The following CHCHD6 variants were observed in gnomAD, a reference collection of about 807,000 sequenced individuals.
CHCHD6 encodes coiled-coil-helix-coiled-coil-helix domain containing 6.
In CHCHD6, 28 loss-of-function variants were observed where a neutral mutation model predicts 32.3. The ratio of observed to expected loss-of-function variants is 0.87; its 90% CI spans 0.64 to 1.19. The LOEUF is 1.19. Among genes scored for constraint, CHCHD6 ranks in the 50% most tolerant of loss-of-function variants. The pLI, the probability that CHCHD6 is intolerant of heterozygous loss-of-function variation, is 0.00. For missense variants in CHCHD6, 333 were observed against 307.0 expected, an observed-to-expected ratio of 1.08 and a Z score of -0.63; for synonymous variants, 122 against 117.5, an observed-to-expected ratio of 1.04 and a Z score of -0.25.
At chr3:126,894,842 C>T (rs1407835780) in intron 5 of CHCHD6, among the ~76,000 whole-genome samples, 1 of 152,210 alleles carries the variant, frequency 6.6e-6, no homozygotes, top group East Asian at 1.9e-4. Context: ...ACTGCAAAGA[C>T]ATGTGCAACA....
intron 6 of CHCHD6, among the ~76,000 whole-genome samples, chr3:126,923,397 C>T (rs987232363): frequency 2.0e-5 from 3 of 152,222 alleles, no homozygotes; most frequent in Admixed American, 1.3e-4. Context: ...TATATATCTC[C>T]GTATCCCCAC....
chr3:126,794,432 A>T (rs1938694800), intron 4 of CHCHD6, among the ~76,000 whole-genome samples: 1 of 148,694 alleles, frequency 6.7e-6, no homozygotes, highest in Non-Finnish European at 1.5e-5. Flanking sequence ...TTATATATAT[A>T]CATATATGTT....
chr3:126,776,959 C>T (rs1937677501), intron 4 of CHCHD6, among the ~76,000 whole-genome samples: 1 of 152,098 alleles, frequency 6.6e-6, no homozygotes, highest in African/African-American at 2.4e-5. Flanking sequence ...AAGACCTGGC[C>T]TCTAGTTTCA....
chr3:126,732,927 C>T (rs1013388803), intron 3 of CHCHD6, 151 bp from the exon 4 acceptor site: 20 of 728,324 alleles, frequency 2.7e-5, no homozygotes, highest in Admixed American at 1.6e-4. Flanking sequence ...ATGGGGCATG[C>T]GGTTTCACAG....
chr3:126,810,986 C>T (rs1328102257), intron 4 of CHCHD6, among the ~76,000 whole-genome samples: 1 of 152,056 alleles, frequency 6.6e-6, no homozygotes, highest in Non-Finnish European at 1.5e-5. Flanking sequence ...AATGCACCAG[C>T]CCATGGATAA....
intron 5 of CHCHD6, among the ~76,000 whole-genome samples, chr3:126,881,597 T>G (rs924051354): frequency 6.6e-5 from 10 of 152,186 alleles, no homozygotes; most frequent in Non-Finnish European, 1.2e-4. Context: ...AGTCGTTGCA[T>G]CTCAAGATTG....
intron 5 of CHCHD6, among the ~76,000 whole-genome samples, chr3:126,903,741 A>T (rs1030245590): frequency 1.3e-5 from 2 of 152,310 alleles, no homozygotes; most frequent in Non-Finnish European, 2.9e-5. Context: ...TGATTACGGC[A>T]GTAGATTTCC....
chr3:126,898,906 C>T (rs1375009110), intron 5 of CHCHD6, among the ~76,000 whole-genome samples: 3 of 152,290 alleles, frequency 2.0e-5, no homozygotes, highest in Non-Finnish European at 4.4e-5. Context: ...GTGAATTTCA[C>T]CTCAGTAAAT....
At chr3:126,730,669 C>T (rs761972381) in intron 3 of CHCHD6, 39 bp downstream of exon 3, 7 of 1,560,132 alleles carry the variant, frequency 4.5e-6, no homozygotes, top group East Asian at 2.2e-5. Context: ...CACTGCGCTC[C>T]GCCTAAAAGC....
intron 6 of CHCHD6, among the ~76,000 whole-genome samples, chr3:126,943,427 C>G (rs2078591773): frequency 6.6e-6 from 1 of 152,194 alleles, no homozygotes; most frequent in Admixed American, 6.5e-5. Flanking sequence ...CACCTGGGGT[C>G]AGGTTGTATC....
intron 5 of CHCHD6, among the ~76,000 whole-genome samples, chr3:126,884,151 C>A (rs1419099774): frequency 6.6e-6 from 1 of 152,178 alleles, no homozygotes; most frequent in East Asian, 1.9e-4. Context: ...GTCCTAGTTC[C>A]CGCACTGGCC....
intron 4 of CHCHD6, among the ~76,000 whole-genome samples, chr3:126,851,721 C>T (rs545433219): frequency 1.3e-3 from 197 of 152,308 alleles, no homozygotes; most frequent in African/African-American, 4.0e-3. Context: ...ATCCCAGTGA[C>T]GGGACTTACA....
intron 4 of CHCHD6, among the ~76,000 whole-genome samples, chr3:126,801,988 T>C (rs138866410): frequency 0.018 from 2,749 of 152,256 alleles, 31 homozygotes; most frequent in Middle Eastern, 0.051. Flanking sequence ...CTCCAACAGA[T>C]CTGCAGCTGA....
chr3:126,797,536 G>A (rs539938919), intron 4 of CHCHD6, among the ~76,000 whole-genome samples: 69 of 152,308 alleles, frequency 4.5e-4, no homozygotes, highest in South Asian at 3.9e-3. Context: ...TGAGTTTACC[G>A]TGGGACTTCA....
intron 4 of CHCHD6, among the ~76,000 whole-genome samples, chr3:126,831,241 G>A (rs1940627508): frequency 6.6e-6 from 1 of 151,950 alleles, no homozygotes; most frequent in Admixed American, 6.6e-5. Flanking sequence ...TAGCCAGGAT[G>A]GTCTCGATCT....
intron 4 of CHCHD6, among the ~76,000 whole-genome samples, chr3:126,832,790 G>A (rs1275786468): frequency 6.6e-6 from 1 of 152,136 alleles, no homozygotes; most frequent in Admixed American, 6.5e-5. Flanking sequence ...GAGGGCTGGT[G>A]TGGGACCAGA....
intron 6 of CHCHD6, among the ~76,000 whole-genome samples, chr3:126,917,125 T>C (rs74706942): frequency 0.015 from 2,270 of 152,362 alleles, 31 homozygotes; most frequent in Non-Finnish European, 0.023. Flanking sequence ...GTGAATGTAT[T>C]TTTAATCTGA....
At chr3:126,842,854 G>A (rs1006552247) in intron 4 of CHCHD6, among the ~76,000 whole-genome samples, 14 of 149,556 alleles carry the variant, frequency 9.4e-5, no homozygotes, top group Admixed American at 3.3e-4. Context: ...GCAAGAGTGG[G>A]ATGTTTTTAA....
At chr3:126,944,723 C>A (rs2078610121) in intron 6 of CHCHD6, among the ~76,000 whole-genome samples, 1 of 152,164 alleles carries the variant, frequency 6.6e-6, no homozygotes, top group Non-Finnish European at 1.5e-5. Flanking sequence ...GGGCAGGTAA[C>A]CTTCAGGGGA....
Sources: allele counts gnomAD v4.1 joint callset (sites outside exome capture counted in the v4.1 genomes callset), GRCh38; gene constraint gnomAD v4.1.1; transcripts MANE v1.5; gene names NCBI Gene and HGNC (gene_info 2026-07-23, HGNC 2026-07-21).